Variants in B3GALT1 observed in about 807,000 individuals in gnomAD.
The protein encoded by B3GALT1 is beta-1,3-galactosyltransferase 1, also known as UDP-Gal:betaGlcNAc beta 1,3-galactosyltransferase, polypeptide 1.
Under a neutral mutation model 23.2 loss-of-function variants are expected in B3GALT1, and 10 were observed. The observed-to-expected ratio is 0.43, with a 90% confidence interval of 0.27 to 0.73. The LOEUF (loss-of-function observed/expected upper bound fraction) is 0.73, where lower values mean the gene tolerates loss of function less well. Among genes scored for constraint, B3GALT1 ranks in the 30% least tolerant of loss-of-function variants. The pLI is 0.21. For synonymous variants in B3GALT1, 156 were observed against 141.5 expected, an observed-to-expected ratio of 1.10 and a Z score of -0.73; for missense variants, 299 against 405.4, an observed-to-expected ratio of 0.74 and a Z score of 2.25.
chr2:167,705,226 C>G (rs1481134687), intron 3 of B3GALT1, among the ~76,000 whole-genome samples: 1 of 152,210 alleles, frequency 6.6e-6, no homozygotes, highest in African/African-American at 2.4e-5. Context: ...TTGTGAGCCA[C>G]TGACTTGTGG....
Position 167,376,152 on chromosome 2 carries a change from C to T in B3GALT1, c.-511+82818C>T, listed in dbSNP as rs115916463. ...ATTGATTTATATATGTCGAACCATT[C>T]TTGCATTGCAGGAATGAAACCTACT... On this transcript the variant is annotated intron_variant, in intron 1 of 4. Transcript: ENST00000392690. Among the ~76,000 whole-genome samples, 479 of 152,260 alleles carry T rather than the reference C, an allele frequency of 3.1e-3. 5 individuals are homozygous for T. Among genetic ancestry groups the T allele is most frequent in the South Asian group, 4.4e-3 (21 of 4,826 alleles).
At chr2:167,537,546 TA>T (rs1443443330) in intron 2 of B3GALT1, among the ~76,000 whole-genome samples, 1 of 152,170 alleles carries the variant, frequency 6.6e-6, no homozygotes, top group Non-Finnish European at 1.5e-5. Context: ...CAGATTTCTG[TA>T]AATAGAACAA....
chr2:167,640,504 A>G (rs1230032544), intron 2 of B3GALT1, among the ~76,000 whole-genome samples: 1 of 151,674 alleles, frequency 6.6e-6, no homozygotes, highest in Non-Finnish European at 1.5e-5. Context: ...TTAATAAACT[A>G]TGTCAAAAAG....
chr2:167,362,324 T>TC (rs1471712070), intron 1 of B3GALT1, among the ~76,000 whole-genome samples: 2 of 152,158 alleles, frequency 1.3e-5, no homozygotes, highest in Non-Finnish European at 2.9e-5. Context: ...ATGTATACAT[T>TC]CCCCACTTTT....
At chr2:167,330,242 G>A (rs978657209) in intron 1 of B3GALT1, among the ~76,000 whole-genome samples, 1 of 149,644 alleles carries the variant, frequency 6.7e-6, no homozygotes, top group African/African-American at 2.6e-5. Context: ...GTCTGACTGG[G>A]TTATTTTAAC....
intron 1 of B3GALT1, among the ~76,000 whole-genome samples, chr2:167,455,383 A>T (rs1015470454): frequency 6.6e-6 from 1 of 152,206 alleles, no homozygotes; most frequent in Admixed American, 6.5e-5. Flanking sequence ...ACTTCATTAA[A>T]TATATATATT....
At chr2:167,429,331 T>C (rs1403448874) in intron 1 of B3GALT1, among the ~76,000 whole-genome samples, 2 of 149,136 alleles carry the variant, frequency 1.3e-5, no homozygotes, top group African/African-American at 2.5e-5. Flanking sequence ...GGAAGGCGTA[T>C]GGGAGCAGAA....
chr2:167,296,468 C>A (rs530195310), intron 1 of B3GALT1, among the ~76,000 whole-genome samples: 1 of 152,084 alleles, frequency 6.6e-6, no homozygotes, highest in East Asian at 1.9e-4. Flanking sequence ...TTTTCTTTGT[C>A]TCTTTCAGTC....
At chr2:167,755,456 T>G (rs1431538142) in intron 3 of B3GALT1, among the ~76,000 whole-genome samples, 1 of 148,974 alleles carries the variant, frequency 6.7e-6, no homozygotes, top group Non-Finnish European at 1.5e-5. Flanking sequence ...TCCCGAGAAT[T>G]CTATGCTCCA....
intron 3 of B3GALT1, among the ~76,000 whole-genome samples, chr2:167,784,302 A>T (rs367902225): frequency 6.6e-6 from 1 of 152,196 alleles, no homozygotes; most frequent in Non-Finnish European, 1.5e-5. Context: ...GCTGCTGAAG[A>T]TGCTGTCCAC....
At chr2:167,759,167 T>G (rs761318680) in intron 3 of B3GALT1, among the ~76,000 whole-genome samples, 15 of 152,282 alleles carry the variant, frequency 9.9e-5, no homozygotes, top group Middle Eastern at 6.8e-3. Context: ...TCTCGAGGTT[T>G]CCACAGACCA....
chr2:167,670,843 A>G (rs1686313251), intron 3 of B3GALT1, among the ~76,000 whole-genome samples: 1 of 152,184 alleles, frequency 6.6e-6, no homozygotes, highest in South Asian at 2.1e-4. Flanking sequence ...TCACTATTCA[A>G]TCAGAGGAGA....
At chr2:167,499,631 A>G (rs1282239684) in intron 2 of B3GALT1, among the ~76,000 whole-genome samples, 1 of 152,192 alleles carries the variant, frequency 6.6e-6, no homozygotes, top group Non-Finnish European at 1.5e-5. Context: ...TGCATAAAAA[A>G]CAGAAATCTT....
At chr2:167,826,684 C>T (rs1032502799) in intron 4 of B3GALT1, among the ~76,000 whole-genome samples, 1 of 152,158 alleles carries the variant, frequency 6.6e-6, no homozygotes, top group Non-Finnish European at 1.5e-5. Flanking sequence ...ACTGTATCCA[C>T]AGGTTCCACA....
At chr2:167,395,319 G>A (rs1285544091) in intron 1 of B3GALT1, among the ~76,000 whole-genome samples, 2 of 152,048 alleles carry the variant, frequency 1.3e-5, no homozygotes, top group East Asian at 3.8e-4. Context: ...ACCCTGGATT[G>A]TCTGGGTGGG....
intron 1 of B3GALT1, among the ~76,000 whole-genome samples, chr2:167,367,830 T>C (rs1289123949): frequency 6.6e-6 from 1 of 152,228 alleles, no homozygotes; most frequent in Non-Finnish European, 1.5e-5. Context: ...TCTACCTTGC[T>C]AACATCCCTT....
At position 167,560,609 on chromosome 2, in the gene B3GALT1, A is replaced by G. The variant is rs1424221903; in HGVS notation, c.-410+70332A>G. Among the ~76,000 whole-genome samples the G allele has an allele frequency of 3.9e-5, 6 of 152,116 alleles. No individual in the cohort carries two copies. The East Asian group carries it at 1.2e-3, about 29-fold the overall frequency. ...AGGCTCAAAATAAAAGGATGGAGGAAGATCTACCAAGCAAATGGAAAACAA... is the reference window on the plus strand; with the variant it reads ...AGGCTCAAAATAAAAGGATGGAGGAGGATCTACCAAGCAAATGGAAAACAA... On this transcript the variant is annotated intron_variant, in intron 2 of 4. Transcript: ENST00000392690.
intron 4 of B3GALT1, among the ~76,000 whole-genome samples, chr2:167,825,835 C>G (rs901685989): frequency 1.3e-5 from 2 of 152,304 alleles, no homozygotes; most frequent in Admixed American, 6.5e-5. Flanking sequence ...AGGTGTTTAA[C>G]AACTTATCCA....
intron 3 of B3GALT1, among the ~76,000 whole-genome samples, chr2:167,765,353 T>TAACA (rs1687960950): frequency 6.6e-6 from 1 of 152,168 alleles, no homozygotes; most frequent in East Asian, 1.9e-4. Flanking sequence ...GAAGCCCAGG[T>TAACA]AGAGTATAAC....
Sources: gnomAD v4.1 joint callset for allele counts (sites outside exome capture counted in the v4.1 genomes callset) on GRCh38, gnomAD v4.1.1 for gene constraint, MANE v1.5 for transcripts, NCBI Gene and HGNC (gene_info 2026-07-23, HGNC 2026-07-21) for gene names.